Variants in MTA3 observed in about 807,000 individuals in gnomAD.
MTA3 encodes metastasis-associated protein MTA3.
In MTA3, 34 loss-of-function variants were observed where a neutral mutation model predicts 83.5. The observed-to-expected ratio is 0.41, with a 90% CI of 0.31 to 0.54. MTA3 has a LOEUF of 0.54. Among genes scored for constraint, MTA3 ranks in the 20% least tolerant of loss-of-function variants. The pLI is 0.33. For synonymous variants in MTA3, 303 were observed against 252.7 expected, an observed-to-expected ratio of 1.20 and a Z score of -1.89; for missense variants, 761 against 726.4, an observed-to-expected ratio of 1.05 and a Z score of -0.55.
intron 8 of MTA3, among the ~76,000 whole-genome samples, chr2:42,676,663 G>C (rs1321035374): frequency 6.6e-6 from 1 of 152,202 alleles, no homozygotes; most frequent in Non-Finnish European, 1.5e-5. Flanking sequence ...TTACTTGGGA[G>C]GCTGAGGTGG....
chr2:42,731,507 C>A (rs1159842798), intron 16 of MTA3, among the ~76,000 whole-genome samples: 1 of 152,130 alleles, frequency 6.6e-6, no homozygotes, highest in Non-Finnish European at 1.5e-5. Flanking sequence ...AAAGCAGAAA[C>A]TTCTAATAAA....
intron 2 of MTA3, among the ~76,000 whole-genome samples, chr2:42,556,885 G>T (rs911108660): frequency 6.6e-6 from 1 of 152,170 alleles, no homozygotes; most frequent in African/African-American, 2.4e-5. Context: ...TAGGCTCTGT[G>T]TGAGTATAGA....
At chr2:42,495,735 T>A (rs1209616213) in intron 2 of MTA3, among the ~76,000 whole-genome samples, 1 of 152,178 alleles carries the variant, frequency 6.6e-6, no homozygotes, top group Non-Finnish European at 1.5e-5. Context: ...GAGGTTTCCA[T>A]AGCAGAAATG....
At chr2:42,672,074 G>A (rs1270033792) in intron 8 of MTA3, among the ~76,000 whole-genome samples, 3 of 152,118 alleles carry the variant, frequency 2.0e-5, no homozygotes, top group Non-Finnish European at 4.4e-5. Context: ...TCACATATTT[G>A]TCTGGTTTGT....
In MTA3 at chr2:42,561,433, C is replaced by T. The variant is rs1299056457; in HGVS notation, c.-140-9004C>T. Among the ~76,000 whole-genome samples, 3 of 152,006 alleles carry T rather than the reference C, an allele frequency of 2.0e-5. 1 individual carries two copies. Among genetic ancestry groups the T allele is most frequent in the African/African-American group, 7.2e-5 (3 of 41,380 alleles). On this transcript the variant is annotated intron_variant, in intron 2 of 17. Coordinates refer to the MTA3 transcript ENST00000405592. Reference sequence around the variant, plus strand: ...CATCTCCCGGGTTCAAGCGATTCTCCTGCCTCAGCCTTCTGAGTAGTTGGG... The same window carrying T: ...CATCTCCCGGGTTCAAGCGATTCTCTTGCCTCAGCCTTCTGAGTAGTTGGG...
At chr2:42,681,334 C>T (rs967727705) in intron 8 of MTA3, among the ~76,000 whole-genome samples, 1 of 151,960 alleles carries the variant, frequency 6.6e-6, no homozygotes, top group African/African-American at 2.4e-5. Context: ...ATAATTTTGT[C>T]TTAAATATCA....
rs1558428351 is a variant in MTA3, at chr2:42,548,843, TA to T, written c.-140-21593del. Among the ~76,000 whole-genome samples the T allele has an allele frequency of 7.1e-4, 6 of 8,492 alleles. 1 individual carries two copies. The highest frequency in any genetic ancestry group is 2.0e-3 in the African/African-American group (6 of 2,964). 5.6% of individuals were successfully genotyped at this position (8,492 alleles called of 152,430 possible). A position where few individuals can be genotyped will look rare whatever the true frequency, so the allele number is the denominator to read the frequency against. On this transcript the variant is annotated intron_variant, in intron 2 of 17. Coordinates refer to the MTA3 transcript ENST00000405592. ...TATATATATATAATATATATATATA[TA>T]TAATATATATATATAATATATATAT...
chr2:42,551,085 A>AAATAAATT (rs1461893313), intron 2 of MTA3, among the ~76,000 whole-genome samples: 20 of 150,298 alleles, frequency 1.3e-4, no homozygotes, highest in Non-Finnish European at 2.4e-4. Flanking sequence ...ATAAATAAAT[A>AAATAAATT]AATTAAAATT....
chr2:42,738,554 G>A (rs1320150773), intron 16 of MTA3, among the ~76,000 whole-genome samples: 1 of 152,142 alleles, frequency 6.6e-6, no homozygotes, highest in Non-Finnish European at 1.5e-5. Context: ...TGCACAAATT[G>A]TACAGCATGT....
intron 16 of MTA3, among the ~76,000 whole-genome samples, chr2:42,731,547 A>G (rs1668228888): frequency 6.6e-6 from 1 of 152,176 alleles, no homozygotes; most frequent in South Asian, 2.1e-4. Flanking sequence ...CTTACTCACT[A>G]TGACAAGAAT....
rs553843732 is a variant in MTA3 at position 42,545,485 on chromosome 2, A to C, written c.-140-24952A>C. Among the ~76,000 whole-genome samples the C allele has an allele frequency of 1.1e-4, 17 of 152,268 alleles. 1 individual carries two copies. In the South Asian group the frequency reaches 2.7e-3, roughly 24 times the overall value. ...GGTAAGAACTAGGGCAAGGAAGGCTATGTTTGAGGGATGGAAGGGAGAGTG... is the reference window on the plus strand; with the variant it reads ...GGTAAGAACTAGGGCAAGGAAGGCTCTGTTTGAGGGATGGAAGGGAGAGTG... On this transcript the variant is annotated intron_variant, in intron 2 of 17. Coordinates refer to the MTA3 transcript ENST00000405592.
intron 2 of MTA3, among the ~76,000 whole-genome samples, chr2:42,520,778 C>G (rs905553341): frequency 6.6e-6 from 1 of 151,948 alleles, no homozygotes; most frequent in Non-Finnish European, 1.5e-5. Flanking sequence ...GTTGCCCGGG[C>G]TGGTCTCGAA....
chr2:42,699,918 G>A (rs62144296), intron 11 of MTA3, among the ~76,000 whole-genome samples: 3,331 of 152,098 alleles, frequency 0.022, 56 homozygotes, highest in Non-Finnish European at 0.034. Context: ...TAAGAAAAGG[G>A]CCTTGACTTA....
chr2:42,736,760 C>G (rs946066085), intron 16 of MTA3, among the ~76,000 whole-genome samples: 1 of 152,238 alleles, frequency 6.6e-6, no homozygotes, highest in African/African-American at 2.4e-5. Flanking sequence ...GTCTCTGAGT[C>G]TCATCCAAGG....
chr2:42,674,536 C>T (rs538738889), intron 8 of MTA3, among the ~76,000 whole-genome samples: 1 of 151,610 alleles, frequency 6.6e-6, no homozygotes, highest in Admixed American at 6.6e-5. Context: ...CTATTGAAAA[C>T]ATGGTATCTT....
At chr2:42,568,591 T>A (rs2103818096), upstream of MTA3, 1 of 251,058 alleles carries the variant, frequency 4.0e-6, no homozygotes, top group Non-Finnish European at 6.8e-6. Context: ...CCCCTTTACT[T>A]CCCCCACCCC....
intron 2 of MTA3, among the ~76,000 whole-genome samples, chr2:42,524,803 GA>G (rs1675603577): frequency 6.8e-6 from 1 of 146,038 alleles, no homozygotes; most frequent in Non-Finnish European, 1.5e-5. Context: ...ACTGGTGGAA[GA>G]GAACAAAAAC....
At chr2:42,649,362 A>C (rs1410224459) in intron 6 of MTA3, among the ~76,000 whole-genome samples, 1 of 152,000 alleles carries the variant, frequency 6.6e-6, no homozygotes, top group Non-Finnish European at 1.5e-5. Context: ...GCAGTGAGCC[A>C]AGATCGTACC....
chr2:42,532,145 G>A (rs1236731950), intron 2 of MTA3, among the ~76,000 whole-genome samples: 1 of 152,214 alleles, frequency 6.6e-6, no homozygotes, highest in Non-Finnish European at 1.5e-5. Context: ...ACTTATTTTT[G>A]TAAATTATTT....
Sources: gnomAD v4.1 joint callset for allele counts (sites outside exome capture counted in the v4.1 genomes callset) on GRCh38, gnomAD v4.1.1 for gene constraint, MANE v1.5 for transcripts, NCBI Gene and HGNC (gene_info 2026-07-23, HGNC 2026-07-21) for gene names.